The following IGF2BP3 variants were observed in gnomAD, a reference collection of about 807,000 sequenced individuals.
IGF2BP3 encodes the protein insulin like growth factor 2 mRNA binding protein 3, also known as insulin-like growth factor 2 mRNA-binding protein 3.
In IGF2BP3, 9 loss-of-function variants were observed where a neutral mutation model predicts 73.8. The observed-to-expected ratio is 0.12, with a 90% CI of 0.07 to 0.21. IGF2BP3 has a LOEUF of 0.21. Among genes scored for constraint, IGF2BP3 ranks in the 10% least tolerant of loss-of-function variants. The probability of loss-of-function intolerance (pLI) is 1.00; values close to 1 mark genes in which losing one functional copy is unlikely to be tolerated. For synonymous variants in IGF2BP3, 258 were observed against 256.7 expected, an observed-to-expected ratio of 1.01 and a Z score of -0.05; for missense variants, 542 against 714.0, an observed-to-expected ratio of 0.76 and a Z score of 2.75.
At chr7:23,435,599 G>A (rs1363768964) in intron 2 of IGF2BP3, among the ~76,000 whole-genome samples, 11 of 151,870 alleles carry the variant, frequency 7.2e-5, no homozygotes, top group Admixed American at 7.2e-4. Flanking sequence ...GGGATTACAG[G>A]CGCCCACCAC....
intron 3 of IGF2BP3, among the ~76,000 whole-genome samples, chr7:23,386,244 A>C (rs886078472): frequency 6.6e-6 from 1 of 152,168 alleles, no homozygotes; most frequent in Non-Finnish European, 1.5e-5. Context: ...CACACCTCTA[A>C]TCCCAGCCCT....
intron 2 of IGF2BP3, among the ~76,000 whole-genome samples, chr7:23,431,836 C>T (rs779721555): frequency 2.6e-5 from 4 of 152,010 alleles, no homozygotes; most frequent in Non-Finnish European, 1.5e-5. Context: ...AACCCACACA[C>T]ACACATTCTC....
At chr7:23,432,487 G>C (rs1183294044) in intron 2 of IGF2BP3, among the ~76,000 whole-genome samples, 1 of 151,934 alleles carries the variant, frequency 6.6e-6, no homozygotes, top group East Asian at 1.9e-4. Context: ...TACTAGAAGG[G>C]CACGCACATC....
chr7:23,382,800 C>T (rs61478643), intron 3 of IGF2BP3, among the ~76,000 whole-genome samples: 18,621 of 145,486 alleles, frequency 0.13, 1,281 homozygotes, highest in Middle Eastern at 0.22. Flanking sequence ...TTTGAGAGGC[C>T]AACGCAGGGG....
chr7:23,357,739 T>G (rs1785130728), intron 5 of IGF2BP3, among the ~76,000 whole-genome samples: 1 of 152,262 alleles, frequency 6.6e-6, no homozygotes. Context: ...AAGCCTAAAA[T>G]GAACACATGT....
intron 3 of IGF2BP3, among the ~76,000 whole-genome samples, chr7:23,395,104 A>T (rs1047277387): frequency 6.6e-6 from 1 of 152,212 alleles, no homozygotes; most frequent in Non-Finnish European, 1.5e-5. Flanking sequence ...AGCCATAAGG[A>T]GCAGCCCTCA....
At chr7:23,393,690 A>T (rs1192158473) in intron 3 of IGF2BP3, among the ~76,000 whole-genome samples, 1 of 152,238 alleles carries the variant, frequency 6.6e-6, no homozygotes, top group African/African-American at 2.4e-5. Context: ...TAAACATGGA[A>T]GTTGAAATGA....
chr7:23,375,385 C>G (rs1785686253), intron 3 of IGF2BP3, among the ~76,000 whole-genome samples: 1 of 152,000 alleles, frequency 6.6e-6, no homozygotes, highest in African/African-American at 2.4e-5. Flanking sequence ...CATAGGGTCC[C>G]CCAACATGCC....
chr7:23,463,117 C>G (rs532144162), intron 2 of IGF2BP3, among the ~76,000 whole-genome samples: 1 of 152,316 alleles, frequency 6.6e-6, no homozygotes, highest in African/African-American at 2.4e-5. Context: ...CTAACCATCT[C>G]GTCTTTCCGC....
intron 10 of IGF2BP3, among the ~76,000 whole-genome samples, chr7:23,333,945 C>T (rs987512536): frequency 2.0e-5 from 3 of 152,158 alleles, no homozygotes; most frequent in Non-Finnish European, 4.4e-5. Flanking sequence ...AGAAAATTTT[C>T]CTCTGGGAAT....
Position 23,468,536 on chromosome 7 carries a change from A to G in IGF2BP3, c.182T>C (p.Ile61Thr), listed in dbSNP as rs377308655. 8.7e-6 allele frequency: 14 copies of G among 1,614,034 alleles called. No homozygotes were observed. The highest frequency in any genetic ancestry group is 6.7e-5 in the African/African-American group (5 of 74,932). The change falls in exon 2 of 15, where the codon ATA (isoleucine) becomes ACA (threonine). Residue 61 changes from isoleucine to threonine, a missense_variant. By Grantham distance (89) the Ile-to-Thr change is moderately conservative. Coordinates refer to ENST00000258729, the MANE Select transcript of IGF2BP3 (RefSeq NM_006547.3). ...LKAIEALSGKIELHGKPIEVE... is the reference protein window; with the variant it reads ...LKAIEALSGKTELHGKPIEVE... ...TTCTATGGGTTTCCCGTGCAGTTCTATTTTACCTGCGGACACACAAGAAGT... is the reference window on the plus strand; with the variant it reads ...TTCTATGGGTTTCCCGTGCAGTTCTGTTTTACCTGCGGACACACAAGAAGT...
intron 10 of IGF2BP3, among the ~76,000 whole-genome samples, chr7:23,320,340 C>G (rs1784102546): frequency 6.6e-6 from 1 of 152,074 alleles, no homozygotes; most frequent in South Asian, 2.1e-4. Flanking sequence ...CCAGTTGTGC[C>G]CTTCCTGGGT....
intron 3 of IGF2BP3, among the ~76,000 whole-genome samples, chr7:23,404,324 T>C (rs905728052): frequency 2.0e-5 from 3 of 152,134 alleles, no homozygotes; most frequent in African/African-American, 7.2e-5. Flanking sequence ...AGGCCTTCTT[T>C]TAAAAAGAAA....
chr7:23,377,314 G>A (rs1019443313), intron 3 of IGF2BP3, among the ~76,000 whole-genome samples: 1 of 152,066 alleles, frequency 6.6e-6, no homozygotes, highest in African/African-American at 2.4e-5. Flanking sequence ...TTTATGCAGA[G>A]GAAGTGAATA....
At chr7:23,367,758 T>C (rs1055001626) in intron 3 of IGF2BP3, among the ~76,000 whole-genome samples, 3 of 152,106 alleles carry the variant, frequency 2.0e-5, no homozygotes, top group Non-Finnish European at 4.4e-5. Context: ...CCCAGCACTT[T>C]GGGTGGCCGA....
intron 3 of IGF2BP3, chr7:23,362,812 G>A (rs531650263): frequency 2.0e-5 from 3 of 152,238 alleles, no homozygotes; most frequent in Non-Finnish European, 4.4e-5. Flanking sequence ...GGAGTGCAGT[G>A]GCATGATCAC....
intron 12 of IGF2BP3, among the ~76,000 whole-genome samples, chr7:23,315,648 C>T (rs1230536928): frequency 2.0e-5 from 3 of 152,042 alleles, no homozygotes; most frequent in African/African-American, 7.2e-5. Flanking sequence ...ATCTTGATAC[C>T]CTATATTCCA....
At position 23,351,358 on chromosome 7, in the gene IGF2BP3, G is replaced by A; in HGVS notation, c.630C>T (p.Ile210=). 1 of 1,613,858 alleles carries A rather than the reference G, an allele frequency of 6.2e-7. No homozygotes were observed. The highest frequency in any genetic ancestry group is 8.5e-7 in the Non-Finnish European group (1 of 1,179,902). Residue 210 remains isoleucine, a synonymous_variant, in exon 6 of 15, where the codon ATC becomes ATT. Coordinates refer to ENST00000258729, the MANE Select transcript of IGF2BP3 (RefSeq NM_006547.3). ...LLVPTQFVGA[I]IGKEGATIRN... ...GAATGGTGGCACCTTCTTTTCCTAT[G>A]ATGGCTCCAACAAATTGGGTGGGAA...
intron 6 of IGF2BP3, among the ~76,000 whole-genome samples, chr7:23,349,571 C>T (rs1172082118): frequency 6.6e-6 from 1 of 152,120 alleles, no homozygotes; most frequent in Non-Finnish European, 1.5e-5. Flanking sequence ...TTACTAAGCT[C>T]CGATCCCCTG....
Sources: allele counts gnomAD v4.1 joint callset (sites outside exome capture counted in the v4.1 genomes callset), GRCh38; gene constraint gnomAD v4.1.1; transcripts MANE v1.5; gene names NCBI Gene and HGNC (gene_info 2026-07-23, HGNC 2026-07-21).